SNTB2: variants seen among roughly 807,000 people sequenced by gnomAD.
SNTB2 encodes syntrophin beta 2.
SNTB2 carries 34 observed loss-of-function variants against 46.2 expected under a neutral mutation model. That is an observed-to-expected ratio of 0.74 (90% CI 0.56 to 0.98). The LOEUF (loss-of-function observed/expected upper bound fraction) is 0.98. Ranked by LOEUF, SNTB2 falls within the 50% of genes least tolerant of loss-of-function variation. SNTB2 has a pLI of 0.00. For synonymous variants in SNTB2, 290 were observed against 312.6 expected (o/e 0.93, Z 0.76); for missense variants, 603 against 731.4 (o/e 0.82, Z 2.02).
chr16:69,226,533 A>G (rs935886755), intron 1 of SNTB2, among the ~76,000 whole-genome samples: 5 of 152,206 alleles, frequency 3.3e-5, no homozygotes, highest in African/African-American at 9.6e-5. Context: ...GACTTCATTT[A>G]TCTTTCTTGC....
At chr16:69,242,957 T>A (rs1964633023) in intron 1 of SNTB2, among the ~76,000 whole-genome samples, 1 of 148,766 alleles carries the variant, frequency 6.7e-6, no homozygotes, top group Non-Finnish European at 1.5e-5. Context: ...GGAGGCAGAG[T>A]TTGCAGTGAG....
intron 1 of SNTB2, among the ~76,000 whole-genome samples, chr16:69,195,116 A>G (rs1964091289): frequency 6.6e-6 from 1 of 152,218 alleles, no homozygotes; most frequent in Non-Finnish European, 1.5e-5. Context: ...CATTGAGATC[A>G]TATTTTTATA....
At chr16:69,191,796 A>AT (rs1365441807) in intron 1 of SNTB2, among the ~76,000 whole-genome samples, 1 of 151,632 alleles carries the variant, frequency 6.6e-6, no homozygotes, top group African/African-American at 2.4e-5. Flanking sequence ...GCCCGCCACC[A>AT]TGCCCGGCCA....
At position 69,304,202 on chromosome 16, in the gene SNTB2, A is replaced by G. The variant is rs953867809; in HGVS notation, c.*3278A>G. 7 of 152,424 alleles carry G rather than the reference A, an allele frequency of 4.6e-5. No homozygotes were observed. The highest frequency in any genetic ancestry group is 8.8e-5 in the Non-Finnish European group (6 of 68,028). The allele number at this position is 152,424 out of a possible 1,614,324, so 9.4% of individuals were successfully genotyped here. A position where few individuals can be genotyped will look rare whatever the true frequency, so the allele number is the denominator to read the frequency against. On this transcript the variant is annotated 3_prime_UTR_variant, in exon 7 of 7. Transcript: ENST00000336278. ...CTTTCCTGAAGTCATCAAATGAAACATTATCTGGAAATTAGTTTCTAATGT... is the reference window on the plus strand; with the variant it reads ...CTTTCCTGAAGTCATCAAATGAAACGTTATCTGGAAATTAGTTTCTAATGT...
chr16:69,260,290 C>G (rs1298951817), intron 3 of SNTB2, 30 bp downstream of exon 3: 1 of 1,602,990 alleles, frequency 6.2e-7, no homozygotes, highest in Non-Finnish European at 8.5e-7. Flanking sequence ...AGAGTATCAC[C>G]TGGTTCCCAT....
rs1013766585 is a variant in SNTB2 at position 69,303,656 on chromosome 16, C to T, written c.*2732C>T. 1 of 152,584 alleles carries T rather than the reference C, an allele frequency of 6.6e-6. No homozygotes were observed. Among genetic ancestry groups the T allele is most frequent in the Non-Finnish European group, 1.5e-5 (1 of 68,036 alleles). The allele number at this position is 152,584 out of a possible 1,614,324, so 9.5% of individuals were successfully genotyped here. On this transcript the variant is annotated 3_prime_UTR_variant, in exon 7 of 7. Coordinates refer to ENST00000336278, the MANE Select transcript of SNTB2 (RefSeq NM_006750.4). The stretch of plus-strand genomic sequence containing the variant: ...ACCCTTTTGCTGCTTTTCTTACATA[C>T]CTAACAGCTCTCCAGTCATGATGAC...
chr16:69,293,356 G>T (rs1477848013), intron 5 of SNTB2, among the ~76,000 whole-genome samples: 1 of 152,098 alleles, frequency 6.6e-6, no homozygotes, highest in Non-Finnish European at 1.5e-5. Context: ...ATTGAGGTTT[G>T]CCTATAAAGA....
intron 1 of SNTB2, among the ~76,000 whole-genome samples, chr16:69,238,962 A>G (rs1597183109): frequency 6.6e-6 from 1 of 152,130 alleles, no homozygotes; most frequent in East Asian, 1.9e-4. Flanking sequence ...GCCATGACCT[A>G]AAAGGCCGTA....
chr16:69,298,076 C>G (rs939804117), intron 5 of SNTB2, among the ~76,000 whole-genome samples: 1 of 152,008 alleles, frequency 6.6e-6, no homozygotes, highest in African/African-American at 2.4e-5. Context: ...GTAGCTGGGA[C>G]TATAGGCACA....
Position 69,252,474 on chromosome 16 carries a change from C to T in SNTB2, c.794+6659C>T, listed in dbSNP as rs1027975531. 1.4e-4 allele frequency among the ~76,000 whole-genome samples: 21 copies of T among 152,308 alleles called. 1 individual carries two copies. The highest frequency in any genetic ancestry group is 5.1e-4 in the African/African-American group (21 of 41,576). ...ACAAGGTGTTCTTAAACACTCCTTTCGGAAATGTAAATCCGTGTTCTTTGC... is the reference window on the plus strand; with the variant it reads ...ACAAGGTGTTCTTAAACACTCCTTTTGGAAATGTAAATCCGTGTTCTTTGC... On this transcript the variant is annotated intron_variant, in intron 2 of 6. Transcript: ENST00000336278.
intron 4 of SNTB2, among the ~76,000 whole-genome samples, chr16:69,278,519 A>G (rs898026105): frequency 6.7e-6 from 1 of 148,458 alleles, no homozygotes; most frequent in Admixed American, 6.8e-5. Flanking sequence ...GCAGTGGTGC[A>G]ATCTCTGCTC....
At chr16:69,273,555 G>A (rs1177965949) in intron 4 of SNTB2, among the ~76,000 whole-genome samples, 1 of 152,180 alleles carries the variant, frequency 6.6e-6, no homozygotes, top group Non-Finnish European at 1.5e-5. Flanking sequence ...AGGTAGATTA[G>A]TGGTTGCCGG....
rs1343710325 is a variant in SNTB2, at chr16:69,304,419, G to C, written c.*3495G>C. ...TTTAGCACTTTTTAGGCCAAAGAAG[G>C]TCTGATAGTGCCTGTTTTTATGTTC... On this transcript the variant is annotated 3_prime_UTR_variant, in exon 7 of 7. Coordinates refer to ENST00000336278, the MANE Select transcript of SNTB2 (RefSeq NM_006750.4). 1 of 152,514 alleles carries C rather than the reference G, an allele frequency of 6.6e-6. No individual in the cohort carries two copies. Among genetic ancestry groups the C allele is most frequent in the Non-Finnish European group, 1.5e-5 (1 of 68,020 alleles). The allele number at this position is 152,514 out of a possible 1,614,324, so 9.4% of individuals were successfully genotyped here.
chr16:69,292,420 A>AT (rs1965179376), intron 5 of SNTB2, among the ~76,000 whole-genome samples: 1 of 14,808 alleles, frequency 6.8e-5, no homozygotes, highest in African/African-American at 6.8e-4. Flanking sequence ...TATATATATT[A>AT]TATATATATA....
chr16:69,249,356 G>A (rs535533787), intron 2 of SNTB2, among the ~76,000 whole-genome samples: 3 of 152,236 alleles, frequency 2.0e-5, no homozygotes, highest in Admixed American at 2.0e-4. Context: ...GGTACCTGTA[G>A]TGCTGCTGAT....
Position 69,245,590 on chromosome 16 carries a change from T to G in SNTB2, c.581-12T>G. The stretch of plus-strand genomic sequence containing the variant: ...AATTACTAACCTTCTTCTTTGATTT[T>G]TTTGTTCATAGTCAAGTTCATCCGA... On this transcript the variant is annotated splice_polypyrimidine_tract_variant and intron_variant, in intron 1 of 6. Coordinates refer to ENST00000336278, the MANE Select transcript of SNTB2 (RefSeq NM_006750.4). 2 of 1,612,994 alleles carry G rather than the reference T, an allele frequency of 1.2e-6. No homozygotes were observed. The highest frequency in any genetic ancestry group is 1.7e-6 in the Non-Finnish European group (2 of 1,179,100).
chr16:69,196,083 T>TA (rs1217596878), intron 1 of SNTB2, among the ~76,000 whole-genome samples: 4 of 151,976 alleles, frequency 2.6e-5, no homozygotes, highest in Admixed American at 1.3e-4. Flanking sequence ...ACAAAACATG[T>TA]AAAAAATTAG....
At chr16:69,299,075 A>C (rs1965254810) in intron 5 of SNTB2, among the ~76,000 whole-genome samples, 1 of 152,180 alleles carries the variant, frequency 6.6e-6, no homozygotes, top group South Asian at 2.1e-4. Flanking sequence ...TCGAGGAATT[A>C]AATCGAACAG....
intron 1 of SNTB2, among the ~76,000 whole-genome samples, chr16:69,216,366 G>C (rs1289743843): frequency 6.6e-6 from 1 of 151,932 alleles, no homozygotes; most frequent in Non-Finnish European, 1.5e-5. Flanking sequence ...CTAAGGATAG[G>C]TATTATGATT....
Sources: allele counts gnomAD v4.1 joint callset (sites outside exome capture counted in the v4.1 genomes callset), GRCh38; gene constraint gnomAD v4.1.1; transcripts MANE v1.5; gene names NCBI Gene and HGNC (gene_info 2026-07-23, HGNC 2026-07-21).